Variants in ODAD1 observed in about 807,000 individuals in gnomAD.
ODAD1 encodes the protein outer dynein arm-docking complex subunit 1.
ODAD1 carries 49 observed loss-of-function variants against 67.2 expected under a neutral mutation model. That is an observed-to-expected ratio of 0.73 (90% CI 0.58 to 0.92). The LOEUF (loss-of-function observed/expected upper bound fraction) is 0.92. Among genes scored for constraint, ODAD1 ranks in the 40% least tolerant of loss-of-function variants. The pLI is 0.00. For missense variants in ODAD1, 897 were observed against 953.7 expected (o/e 0.94, Z 0.78); for synonymous variants, 345 against 393.7 (o/e 0.88, Z 1.46).
In ODAD1 at chr19:48,296,734, C is replaced by T. The variant is rs10413640; in HGVS notation, c.*242G>A. ...AGACGGACAGACACTGACCAGGAAG[C>T]CCAGAGAACAGGAGATCAGGAGTCA... is the stretch of plus-strand genomic sequence containing the variant. On this transcript the variant is annotated 3_prime_UTR_variant, in exon 16 of 16. Coordinates refer to ENST00000674294, the MANE Select transcript of ODAD1 (RefSeq NM_001364171.2). 15,334 of 1,355,628 alleles carry T rather than the reference C, an allele frequency of 0.011. 739 individuals are homozygous for T. The African/African-American group carries it at 0.14, about 13-fold the overall frequency. The allele number at this position is 1,355,628 out of a possible 1,614,324, so 84.0% of individuals were successfully genotyped here.
At chr19:48,306,482 A>G (rs1968611125) in intron 7 of ODAD1, among the ~76,000 whole-genome samples, 159 bp from the exon 8 acceptor site, 1 of 152,210 alleles carries the variant, frequency 6.6e-6, no homozygotes, top group Admixed American at 6.5e-5. Context: ...GGGATTTTAA[A>G]GAGGTGTGAA....
intron 8 of ODAD1, among the ~76,000 whole-genome samples, chr19:48,305,434 T>C (rs1456588148): frequency 6.6e-6 from 1 of 150,540 alleles, no homozygotes; most frequent in Non-Finnish European, 1.5e-5. Flanking sequence ...AGACGGAGTC[T>C]CACTCTGTTG....
rs778128464 is a variant in ODAD1, at chr19:48,298,027, ATCT to A, written c.1472_1474del (p.Lys491del). ...AGTGTCAGGGGGCTGAAGTGGGGCC[ATCT>A]TCTTCGGAAGGTCCTCCAGGCTCTG... On this transcript the variant is annotated inframe_deletion, in exon 14 of 16. Transcript: ENST00000674294. The A allele has an allele frequency of 3.7e-6, 6 of 1,613,164 alleles. 1 individual carries two copies. The South Asian group carries it at 5.5e-5, about 15-fold the overall frequency.
chr19:48,301,291 C>G (rs1019234145), intron 12 of ODAD1, among the ~76,000 whole-genome samples: 1 of 152,114 alleles, frequency 6.6e-6, no homozygotes, highest in African/African-American at 2.4e-5. Flanking sequence ...TACCCTAAGA[C>G]CCATCGGTCC....
chr19:48,311,307 G>C (rs1968754494), intron 7 of ODAD1, among the ~76,000 whole-genome samples: 1 of 152,294 alleles, frequency 6.6e-6, no homozygotes, highest in Non-Finnish European at 1.5e-5. Flanking sequence ...CTTGCTCATA[G>C]ATTGCCCTGG....
intron 1 of ODAD1, among the ~76,000 whole-genome samples, chr19:48,321,022 A>C (rs948405064): frequency 6.6e-6 from 1 of 152,172 alleles, no homozygotes; most frequent in Non-Finnish European, 1.5e-5. Context: ...GCATCACTTG[A>C]GGTCACGAGT....
At chr19:48,308,161 G>A (rs1222322949) in intron 7 of ODAD1, among the ~76,000 whole-genome samples, 2 of 151,628 alleles carry the variant, frequency 1.3e-5, no homozygotes, top group Non-Finnish European at 2.9e-5. Flanking sequence ...GGGAGAAAGA[G>A]AAGTGTTTCC....
intron 12 of ODAD1, among the ~76,000 whole-genome samples, chr19:48,298,826 C>A (rs926671149): frequency 2.0e-5 from 3 of 152,160 alleles, no homozygotes; most frequent in Non-Finnish European, 2.9e-5. Flanking sequence ...GTGCCCAGTG[C>A]GCAGGTCAGT....
chr19:48,310,297 G>A (rs1488906108), intron 7 of ODAD1, among the ~76,000 whole-genome samples: 2 of 152,002 alleles, frequency 1.3e-5, no homozygotes, highest in African/African-American at 4.8e-5. Context: ...CAAACGGCCT[G>A]GATGCTTCCA....
chr19:48,318,318 G>C, intron 5 of ODAD1, 69 bp downstream of exon 5: 2 of 1,354,584 alleles, frequency 1.5e-6, no homozygotes, highest in Non-Finnish European at 2.0e-6. Flanking sequence ...ACATGAGGAA[G>C]CTAAGGCTCA....
At position 48,311,595 on chromosome 19, in the gene ODAD1, G is replaced by C; in HGVS notation, c.555C>G (p.Ile185Met). The change falls in exon 7 of 16, where the codon ATC (isoleucine) becomes ATG (methionine). Residue 185 changes from isoleucine to methionine, a missense_variant. Coordinates refer to ENST00000674294, the MANE Select transcript of ODAD1 (RefSeq NM_001364171.2). The part of the protein sequence containing the change: ...ALREELDLLR[I>M]DRNRYLNVDR... ...CCACGTTCAGATAGCGGTTCCTGTC[G>C]ATCCGCAGCAGATCCAGCTCCTCCC... 6.4e-7 allele frequency: 1 copy of C among 1,551,194 alleles called. No homozygotes were observed. Among genetic ancestry groups the C allele is most frequent in the East Asian group, 2.4e-5 (1 of 40,882 alleles).
intron 7 of ODAD1, among the ~76,000 whole-genome samples, chr19:48,307,135 G>A (rs1968628252): frequency 1.3e-5 from 2 of 151,704 alleles, no homozygotes; most frequent in Non-Finnish European, 2.9e-5. Context: ...GGTGAGCCGA[G>A]ATCGTGCCAT....
rs1022343513 is a variant in ODAD1 at position 48,306,267 on chromosome 19, G to C, written c.654C>G (p.Ala218=). The stretch of plus-strand genomic sequence containing the variant: ...CCCGCAGTCTCTACCTGACGGCGTA[G>C]GCAGAGGTGGAGGAGAGGATAAGGG... ...VSTLILSSTS[A]YAVREEAKAK... The change falls in exon 8 of 16, where the codon GCC becomes GCG. Residue 218 remains alanine (A), a synonymous_variant. Coordinates refer to ENST00000674294, the MANE Select transcript of ODAD1 (RefSeq NM_001364171.2). The C allele has an allele frequency of 1.3e-6, 2 of 1,551,668 alleles. No homozygotes were observed. The highest frequency in any genetic ancestry group is 1.2e-5 in the South Asian group (1 of 84,062).
intron 12 of ODAD1, among the ~76,000 whole-genome samples, chr19:48,299,898 A>G (rs1968413879): frequency 6.6e-6 from 1 of 151,352 alleles, no homozygotes; most frequent in Non-Finnish European, 1.5e-5. Flanking sequence ...AAACTCAGCC[A>G]GGAGTGGTGG....
chr19:48,304,849 A>G (rs540565358), intron 8 of ODAD1, among the ~76,000 whole-genome samples: 74 of 152,036 alleles, frequency 4.9e-4, no homozygotes, highest in African/African-American at 1.6e-3. Context: ...TCTCCCAAGT[A>G]AGACTAAAAA....
rs1401415816 is a variant in ODAD1, at chr19:48,312,049, T to G, written c.428A>C (p.Asp143Ala). ...CCTTCGCCTGATCTTGACCTTCTGA[T>G]CCAGGATGAATCCCGGGGACCTGAC... is the stretch of plus-strand genomic sequence containing the variant. ...KNVRSPGFILDQKVKIRRRIR... is the reference protein window; with the variant it reads ...KNVRSPGFILAQKVKIRRRIR... Residue 143 changes from aspartate (D) to alanine (A), a missense_variant, in exon 6 of 16, where the codon GAT (aspartate) becomes GCT (alanine). By Grantham distance (126) the Asp-to-Ala change is moderately radical. Coordinates refer to ENST00000674294, the MANE Select transcript of ODAD1 (RefSeq NM_001364171.2). 1.3e-6 allele frequency: 2 copies of G among 1,550,436 alleles called. No homozygotes were observed. Among genetic ancestry groups the G allele is most frequent in the African/African-American group, 2.7e-5 (2 of 73,004 alleles).
chr19:48,309,158 C>T (rs1968695393), intron 7 of ODAD1, among the ~76,000 whole-genome samples: 1 of 152,116 alleles, frequency 6.6e-6, no homozygotes, highest in South Asian at 2.1e-4. Flanking sequence ...CTCTCTCACA[C>T]CCACTCTGAT....
At chr19:48,311,733 G>T in intron 6 of ODAD1, 67 bp from the exon 7 acceptor site, 2 of 985,242 alleles carry the variant, frequency 2.0e-6, no homozygotes, top group Non-Finnish European at 3.2e-6. Context: ...TCCAAGCTCA[G>T]CCAAGGAGGA....
At chr19:48,314,991 A>G (rs950037914) in intron 5 of ODAD1, among the ~76,000 whole-genome samples, 3 of 152,064 alleles carry the variant, frequency 2.0e-5, no homozygotes, top group Admixed American at 6.6e-5. Flanking sequence ...ACACTGGGGG[A>G]AAATGCAGCA....
Sources: allele counts gnomAD v4.1 joint callset (sites outside exome capture counted in the v4.1 genomes callset), GRCh38; gene constraint gnomAD v4.1.1; transcripts MANE v1.5; gene names NCBI Gene and HGNC (gene_info 2026-07-23, HGNC 2026-07-21).